The following SPAG16 variants were observed in gnomAD, a reference collection of about 807,000 sequenced individuals.
The protein encoded by SPAG16 is sperm-associated antigen 16 protein.
Under a neutral mutation model 80.4 loss-of-function variants are expected in SPAG16, and 86 were observed. The ratio of observed to expected loss-of-function variants is 1.07; its 90% CI spans 0.90 to 1.28. The LOEUF (loss-of-function observed/expected upper bound fraction) is 1.28, where lower values mean the gene tolerates loss of function less well. SPAG16 is among the 50% of genes most tolerant of loss of function. The pLI is 0.00. For synonymous variants in SPAG16, 294 were observed against 265.9 expected (o/e 1.11, Z -1.03); for missense variants, 870 against 765.3 (o/e 1.14, Z -1.61).
intron 10 of SPAG16, among the ~76,000 whole-genome samples, chr2:213,745,400 G>A (rs889363374): frequency 6.6e-6 from 1 of 152,020 alleles, no homozygotes; most frequent in African/African-American, 2.4e-5. Context: ...CTGCCACCAT[G>A]CCTGGCTAAT....
At chr2:214,101,333 T>C (rs558112280) in intron 13 of SPAG16, among the ~76,000 whole-genome samples, 29 of 152,196 alleles carry the variant, frequency 1.9e-4, no homozygotes, top group African/African-American at 5.5e-4. Flanking sequence ...ATGTCCTTCA[T>C]GGGTTGGAAG....
At chr2:213,636,037 A>C (rs1238260434) in intron 10 of SPAG16, among the ~76,000 whole-genome samples, 1 of 152,108 alleles carries the variant, frequency 6.6e-6, no homozygotes, top group African/African-American at 2.4e-5. Flanking sequence ...CCAATGTCTA[A>C]AAGAGTTTTT....
In SPAG16 at chr2:213,572,883, CAGTG is replaced by C. The variant is rs1479192962; in HGVS notation, c.1070+82796_1070+82799del. Among the ~76,000 whole-genome samples, 37 of 152,318 alleles carry C rather than the reference CAGTG, an allele frequency of 2.4e-4. No homozygotes were observed. In the South Asian group the frequency reaches 3.1e-3, roughly 13 times the overall value. On this transcript the variant is annotated intron_variant, in intron 10 of 15. Coordinates refer to ENST00000331683, the MANE Select transcript of SPAG16 (RefSeq NM_024532.5). The stretch of plus-strand genomic sequence containing the variant: ...GATCTCAGACTGCTGTGCTAGCAAT[CAGTG>C]AGACTCCGTGGGCGTAGGACCCTCC...
intron 9 of SPAG16, among the ~76,000 whole-genome samples, chr2:213,441,595 G>A (rs1025843301): frequency 6.6e-6 from 1 of 152,158 alleles, no homozygotes; most frequent in East Asian, 1.9e-4. Context: ...AAAATGAATT[G>A]AGCTGCACAC....
intron 9 of SPAG16, among the ~76,000 whole-genome samples, chr2:213,390,193 A>C (rs2067669479): frequency 6.6e-6 from 1 of 152,174 alleles, no homozygotes; most frequent in Non-Finnish European, 1.5e-5. Flanking sequence ...GAAAATTATA[A>C]ATACAGAAGT....
intron 15 of SPAG16, among the ~76,000 whole-genome samples, chr2:214,336,974 A>G (rs192307239): frequency 1.9e-5 from 2 of 106,224 alleles, no homozygotes; most frequent in African/African-American, 5.3e-5. Flanking sequence ...TTCTTCCAAT[A>G]TAACTGATCA....
At chr2:213,955,469 C>T (rs191209548) in intron 12 of SPAG16, among the ~76,000 whole-genome samples, 5 of 152,214 alleles carry the variant, frequency 3.3e-5, no homozygotes, top group East Asian at 1.9e-4. Flanking sequence ...TGTTGGGGTA[C>T]GCTTGTTGAA....
intron 13 of SPAG16, among the ~76,000 whole-genome samples, chr2:214,060,017 C>A (rs2050174393): frequency 6.6e-6 from 1 of 152,142 alleles, no homozygotes; most frequent in Non-Finnish European, 1.5e-5. Flanking sequence ...GCGGGCAATG[C>A]AGCCCAGTAA....
chr2:213,883,014 C>A (rs1051829359), intron 11 of SPAG16, among the ~76,000 whole-genome samples: 34 of 152,166 alleles, frequency 2.2e-4, no homozygotes, highest in African/African-American at 7.7e-4. Flanking sequence ...TACAGGCACC[C>A]ACCACCACAC....
intron 11 of SPAG16, among the ~76,000 whole-genome samples, chr2:213,884,638 T>C (rs973668951): frequency 4.6e-5 from 7 of 152,204 alleles, no homozygotes; most frequent in African/African-American, 1.7e-4. Context: ...GCCAATGAGT[T>C]ATAGACTCTG....
chr2:213,462,836 G>A (rs1279914424), intron 9 of SPAG16, among the ~76,000 whole-genome samples: 3 of 152,168 alleles, frequency 2.0e-5, no homozygotes, highest in African/African-American at 7.2e-5. Context: ...TGGACTAATG[G>A]ACTAATACAG....
In SPAG16 at chr2:214,103,038, C is replaced by T. The variant is rs964330751; in HGVS notation, c.1528-5158C>T. Reference sequence around the variant, plus strand: ...CTTACCCTTTGGAATTGAGCACAGGCATGCAGTGTGTTTAGGGAGGTATAT... The same window carrying T: ...CTTACCCTTTGGAATTGAGCACAGGTATGCAGTGTGTTTAGGGAGGTATAT... On this transcript the variant is annotated intron_variant, in intron 13 of 15. Transcript: ENST00000331683. Among the ~76,000 whole-genome samples, 10 of 152,118 alleles carry T rather than the reference C, an allele frequency of 6.6e-5. No homozygotes were observed. In the East Asian group the frequency reaches 1.9e-3, roughly 29 times the overall value.
At chr2:213,688,202 G>A (rs919017747) in intron 10 of SPAG16, among the ~76,000 whole-genome samples, 45 of 152,180 alleles carry the variant, frequency 3.0e-4, no homozygotes, top group Admixed American at 1.3e-4. Context: ...GAAAGGAAAT[G>A]TTCAGGTTAA....
intron 13 of SPAG16, among the ~76,000 whole-genome samples, chr2:214,107,454 A>G (rs533233755): frequency 5.3e-5 from 8 of 152,162 alleles, no homozygotes; most frequent in Non-Finnish European, 1.0e-4. Flanking sequence ...TTATTTCCCT[A>G]CAAGAGTCAA....
At chr2:213,777,205 G>T (rs2069645921) in intron 10 of SPAG16, among the ~76,000 whole-genome samples, 1 of 145,426 alleles carries the variant, frequency 6.9e-6, no homozygotes, top group Admixed American at 6.8e-5. Context: ...AAATCTTCTG[G>T]TCATTCTTCA....
intron 9 of SPAG16, among the ~76,000 whole-genome samples, chr2:213,489,742 G>A (rs764275931): frequency 6.6e-5 from 10 of 151,752 alleles, no homozygotes; most frequent in Non-Finnish European, 1.0e-4. Flanking sequence ...CATGTAACAT[G>A]AGGCTTAGAA....
intron 13 of SPAG16, among the ~76,000 whole-genome samples, chr2:214,094,934 G>A (rs528354516): frequency 2.0e-5 from 3 of 152,074 alleles, no homozygotes; most frequent in East Asian, 3.9e-4. Flanking sequence ...ACGTCAGATC[G>A]TTGCCAATTG....
intron 9 of SPAG16, among the ~76,000 whole-genome samples, chr2:213,401,788 A>G (rs1309718353): frequency 6.6e-6 from 1 of 151,936 alleles, no homozygotes; most frequent in Non-Finnish European, 1.5e-5. Context: ...GCTTTATGTT[A>G]ATTTATCTTT....
At chr2:214,058,192 T>C (rs1168430594) in intron 13 of SPAG16, among the ~76,000 whole-genome samples, 1 of 152,204 alleles carries the variant, frequency 6.6e-6, no homozygotes, top group Non-Finnish European at 1.5e-5. Context: ...TGTGTAAGTG[T>C]ACATGCCTTC....
Sources: gnomAD v4.1 joint callset for allele counts (sites outside exome capture counted in the v4.1 genomes callset) on GRCh38, gnomAD v4.1.1 for gene constraint, MANE v1.5 for transcripts, NCBI Gene and HGNC (gene_info 2026-07-23, HGNC 2026-07-21) for gene names.